CEP295: variants seen among roughly 807,000 people sequenced by gnomAD.
The protein encoded by CEP295 is centrosomal protein of 295 kDa.
In CEP295, 190 loss-of-function variants were observed where a neutral mutation model predicts 291.6. The ratio of observed to expected loss-of-function variants is 0.65; its 90% confidence interval spans 0.58 to 0.73. The LOEUF is 0.73. CEP295 is among the 30% of genes least tolerant of loss of function. The pLI, the probability that CEP295 is intolerant of heterozygous loss-of-function variation, is 0.00. For missense variants in CEP295, 2,863 were observed against 2,949.4 expected (o/e 0.97, Z 0.68); for synonymous variants, 993 against 1,038.8 (o/e 0.96, Z 0.85).
rs1167399638 is a variant in CEP295, at chr11:93,699,715, T to C, written c.4803T>C (p.Asp1601=). The change falls in exon 15 of 30, where the codon GAT becomes GAC. Residue 1601 remains aspartate, a synonymous_variant. Coordinates refer to ENST00000325212, the MANE Select transcript of CEP295 (RefSeq NM_033395.2). The part of the protein sequence containing the change: ...SLSKPILPQQ[D]NMTAQLDAQR... ...CAAAGCCTATTCTGCCTCAGCAAGA[T>C]AATATGACAGCACAATTGGATGCAC... The C allele has an allele frequency of 1.3e-6, 2 of 1,551,618 alleles. No individual in the cohort carries two copies. The highest frequency in any genetic ancestry group is 1.7e-6 in the Non-Finnish European group (2 of 1,147,028).
intron 18 of CEP295, among the ~76,000 whole-genome samples, chr11:93,707,263 A>C (rs1043001605): frequency 9.8e-5 from 15 of 152,292 alleles, no homozygotes; most frequent in Admixed American, 3.3e-4. Context: ...TTTATTTTTA[A>C]ATATTTGGAA....
In CEP295 at chr11:93,687,828, C is replaced by T; in HGVS notation, c.1299C>T (p.Ala433=). The change falls in exon 10 of 30, where the codon GCC becomes GCT. Residue 433 remains alanine (A), a synonymous_variant. Transcript: ENST00000325212. ...KAPTVESGTI[A]SKERTLSSGQ... ...CAACGGTTGAGTCAGGAACAATTGCCAGCAAAGAGAGAACGTTATCCTCTG... is the reference window on the plus strand; with the variant it reads ...CAACGGTTGAGTCAGGAACAATTGCTAGCAAAGAGAGAACGTTATCCTCTG... 6.4e-7 allele frequency: 1 copy of T among 1,551,098 alleles called. No individual in the cohort carries two copies. The highest frequency in any genetic ancestry group is 2.4e-5 in the East Asian group (1 of 40,876).
intron 19 of CEP295, 117 bp from the exon 20 acceptor site, chr11:93,721,835 CTA>C (rs1363297907): frequency 1.3e-6 from 1 of 751,038 alleles, no homozygotes; most frequent in South Asian, 1.5e-5. Flanking sequence ...ATCTTTGTAA[CTA>C]TGATGGTTTC....
At position 93,687,729 on chromosome 11, in the gene CEP295, C is replaced by T; in HGVS notation, c.1200C>T (p.Leu400=). 1.3e-6 allele frequency: 2 copies of T among 1,549,700 alleles called. No homozygotes were observed. Among genetic ancestry groups the T allele is most frequent in the South Asian group, 2.4e-5 (2 of 83,836 alleles). Residue 400 remains leucine, a synonymous_variant, in exon 10 of 30, where the codon CTC becomes CTT. Transcript: ENST00000325212. ...ATAAGATCCGAAGCCAAAAATCTCT[C>T]TGGACAATTAAATCTATGTCTGAGG... is the stretch of plus-strand genomic sequence containing the variant. ...LLNKIRSQKS[L]WTIKSMSEDE...
intron 17 of CEP295, among the ~76,000 whole-genome samples, chr11:93,704,383 T>A (rs1473392992): frequency 2.6e-5 from 4 of 152,072 alleles, no homozygotes; most frequent in Non-Finnish European, 4.4e-5. Context: ...CCCAGCACTT[T>A]GGGAGGCTGA....
At chr11:93,685,293 G>T (rs1176673720) in intron 9 of CEP295, among the ~76,000 whole-genome samples, 3 of 152,160 alleles carry the variant, frequency 2.0e-5, no homozygotes, top group Non-Finnish European at 4.4e-5. Flanking sequence ...AGCCTTTTGG[G>T]ATTCCAACTT....
chr11:93,717,904 G>A lies in CEP295; in HGVS notation c.5750-3408G>A, dbSNP rs143928668. On this transcript the variant is annotated intron_variant, in intron 18 of 29. Transcript: ENST00000325212. ...TCAGAATCATTCCCAGATTCAGATT[G>A]TTTCAAATTTCTTTTATTCTGTTTT... Among the ~76,000 whole-genome samples, 632 of 152,170 alleles carry A rather than the reference G, an allele frequency of 4.2e-3. 2 individuals are homozygous for A. The highest frequency in any genetic ancestry group is 0.014 in the African/African-American group (585 of 41,546).
intron 25 of CEP295, chr11:93,729,063 C>T (rs1937902760): frequency 7.7e-6 from 4 of 519,674 alleles, no homozygotes; most frequent in Non-Finnish European, 1.4e-5. Flanking sequence ...ATCTTATACA[C>T]CTAGTGTTAT....
intron 14 of CEP295, 123 bp from the exon 15 acceptor site, chr11:93,696,559 G>A (rs1313786997): frequency 1.0e-5 from 11 of 1,068,338 alleles, no homozygotes; most frequent in African/African-American, 6.4e-5. Flanking sequence ...CAATGTGAGT[G>A]TAATTTCTTT....
chr11:93,662,816 G>A (rs1433721801), intron 1 of CEP295, among the ~76,000 whole-genome samples: 1 of 152,178 alleles, frequency 6.6e-6, no homozygotes, highest in African/African-American at 2.4e-5. Context: ...TATTTATAAA[G>A]GAAAAGTAGT....
rs1048583235 is a variant in CEP295, at chr11:93,675,790, ATC to A, written c.624+125_624+126del. 43 of 438,446 alleles carry A rather than the reference ATC, an allele frequency of 9.8e-5. No homozygotes were observed. In the Admixed American group the frequency reaches 2.0e-3, roughly 20 times the overall value. 27.2% of individuals were successfully genotyped at this position (438,446 alleles called of 1,614,324 possible). A position where few individuals can be genotyped will look rare whatever the true frequency, so the allele number is the denominator to read the frequency against. On this transcript the variant is annotated intron_variant, in intron 6 of 29. Transcript: ENST00000325212. Reference sequence around the variant, plus strand: ...AAAATTTGGACAATTGATAATAATAATCAAAACCTTTTAAATGCTTTGAATTT... The same window carrying A: ...AAAATTTGGACAATTGATAATAATAAAAAACCTTTTAAATGCTTTGAATTT...
chr11:93,662,120 C>T (rs1950019259), intron 1 of CEP295, among the ~76,000 whole-genome samples: 1 of 152,228 alleles, frequency 6.6e-6, no homozygotes, highest in African/African-American at 2.4e-5. Flanking sequence ...CATGGCCTGC[C>T]ACCTGGTAGC....
intron 24 of CEP295, chr11:93,728,477 A>T (rs1005882439): frequency 2.2e-6 from 1 of 451,232 alleles, no homozygotes; most frequent in Non-Finnish European, 3.9e-6. Flanking sequence ...TCCCCAAAGT[A>T]GGCTCCAGTA....
At chr11:93,703,302 T>C (rs1952292393) in intron 17 of CEP295, among the ~76,000 whole-genome samples, 1 of 151,500 alleles carries the variant, frequency 6.6e-6, no homozygotes, top group Non-Finnish European at 1.5e-5. Flanking sequence ...TTGTTAAACT[T>C]ATAGCAGAAA....
Position 93,713,491 on chromosome 11 carries a change from G to T in CEP295, c.5749+6594G>T, listed in dbSNP as rs113995098. On this transcript the variant is annotated intron_variant, in intron 18 of 29. Transcript: ENST00000325212. The stretch of plus-strand genomic sequence containing the variant: ...GCACTTTTAATGTGTCATGCCACTC[G>T]CTCCTGGCCTGTAAGGTTTCCTGAA... Among the ~76,000 whole-genome samples the T allele has an allele frequency of 8.0e-3, 1,212 of 152,206 alleles. 21 individuals carry two copies. The highest frequency in any genetic ancestry group is 0.053 in the East Asian group (273 of 5,180).
Position 93,697,708 on chromosome 11 carries a change from T to A in CEP295, c.2796T>A (p.Leu932=). 1 of 1,551,726 alleles carries A rather than the reference T, an allele frequency of 6.4e-7. No homozygotes were observed. The highest frequency in any genetic ancestry group is 8.7e-7 in the Non-Finnish European group (1 of 1,146,988). ...CAGACCATCATGTGATCTCACAACT[T>A]CAGGATAAGCGTTTGAGTCTTTCAC... The part of the protein sequence containing the change: ...VSSDHHVISQ[L]QDKRLSLSQP... Residue 932 remains leucine (L), a synonymous_variant, in exon 15 of 30, where the codon CTT becomes CTA. Coordinates refer to ENST00000325212, the MANE Select transcript of CEP295 (RefSeq NM_033395.2).
chr11:93,729,375 G>C, intron 25 of CEP295, 59 bp from the exon 26 acceptor site: 1 of 1,193,046 alleles, frequency 8.4e-7, no homozygotes, highest in Non-Finnish European at 1.2e-6. Flanking sequence ...TCTGACAGCA[G>C]AGCAAGACCC....
At position 93,702,596 on chromosome 11, in the gene CEP295, A is replaced by G. The variant is rs1182074669; in HGVS notation, c.5411A>G (p.Asp1804Gly). Residue 1804 changes from aspartate (D) to glycine (G), a missense_variant, in exon 16 of 30, where the codon GAT (aspartate) becomes GGT (glycine). Around this residue, in one of 3 missense-constraint regions of CEP295, gnomAD observed 2,295 missense variants for 2,335.7 expected, o/e 0.98. Coordinates refer to ENST00000325212, the MANE Select transcript of CEP295 (RefSeq NM_033395.2). The stretch of plus-strand genomic sequence containing the variant: ...CATGCAGATAGGAACAACTCTGATG[A>G]TAATCATTTGGCTTCAGAAGATACT... Reference protein sequence around the residue: ...IRHADRNNSDDNHLASEDTSA... With the variant: ...IRHADRNNSDGNHLASEDTSA... 2.0e-5 allele frequency: 31 copies of G among 1,549,578 alleles called. No homozygotes were observed. Among genetic ancestry groups the G allele is most frequent in the African/African-American group, 4.1e-5 (3 of 72,936 alleles).
chr11:93,726,944 T>C (rs1303125544), intron 23 of CEP295, 32 bp from the exon 24 acceptor site: 2 of 1,454,292 alleles, frequency 1.4e-6, no homozygotes, highest in East Asian at 2.5e-5. Context: ...CATGTAACGA[T>C]GATTAACTGA....
Sources: gnomAD v4.1 joint callset for allele counts (sites outside exome capture counted in the v4.1 genomes callset) on GRCh38, gnomAD v4.1.1 for gene constraint, gnomAD v4.1.1 regional missense constraint, MANE v1.5 for transcripts, NCBI Gene and HGNC (gene_info 2026-07-23, HGNC 2026-07-21) for gene names.